DLG2: variants seen among roughly 807,000 people sequenced by gnomAD.
DLG2 encodes discs large MAGUK scaffold protein 2.
In DLG2, 45 loss-of-function variants were observed where a neutral mutation model predicts 132.5. The observed-to-expected ratio is 0.34, with a 90% CI of 0.27 to 0.44. The LOEUF is 0.44. Ranked by LOEUF, DLG2 falls within the 20% of genes least tolerant of loss-of-function variation. The pLI, the probability that DLG2 is intolerant of heterozygous loss-of-function variation, is 1.00. For synonymous variants in DLG2, 424 were observed against 419.6 expected (o/e 1.01, Z -0.13); for missense variants, 1,045 against 1,196.9 (o/e 0.87, Z 1.87).
rs201037543 is a variant in DLG2, at chr11:84,401,163, CA to C, written c.519+133406del. 9.6e-3 allele frequency among the ~76,000 whole-genome samples: 1,459 copies of C among 152,190 alleles called. 16 individuals carry two copies. The highest frequency in any genetic ancestry group is 0.031 in the African/African-American group (1,301 of 41,488). ...GTCAGACAGCAGGCAAGTTATTTAT[CA>C]GGTAAAACTGCAAAGACCTGCATAG... On this transcript the variant is annotated intron_variant, in intron 7 of 27. Coordinates refer to ENST00000376104, the MANE Select transcript of DLG2 (RefSeq NM_001142699.3).
chr11:85,497,463 G>T (rs2093693309), intron 3 of DLG2, among the ~76,000 whole-genome samples: 1 of 152,122 alleles, frequency 6.6e-6, no homozygotes. Flanking sequence ...TGGTGTACTG[G>T]AAAATGACTG....
intron 11 of DLG2, among the ~76,000 whole-genome samples, chr11:84,034,436 A>G (rs546038922): frequency 6.6e-6 from 1 of 152,340 alleles, no homozygotes; most frequent in South Asian, 2.1e-4. Context: ...GCAGTGGTCT[A>G]GAATGAGACT....
In DLG2 at chr11:84,548,687, A is replaced by G. The variant is rs540833863; in HGVS notation, c.358-13956T>C. On this transcript the variant is annotated intron_variant, in intron 6 of 27. Coordinates refer to ENST00000376104, the MANE Select transcript of DLG2 (RefSeq NM_001142699.3). Reference sequence around the variant, plus strand: ...TCTTAATCCCGTCTATCATTATTGGACATTTGGGTTGGTTCCAAGTCTTTG... The same window carrying G: ...TCTTAATCCCGTCTATCATTATTGGGCATTTGGGTTGGTTCCAAGTCTTTG... 2.0e-5 allele frequency among the ~76,000 whole-genome samples: 3 copies of G among 152,166 alleles called. No individual in the cohort carries two copies. In the South Asian group the frequency reaches 6.2e-4, roughly 32 times the overall value.
intron 3 of DLG2, among the ~76,000 whole-genome samples, chr11:85,465,233 C>A (rs940370813): frequency 6.6e-6 from 1 of 150,826 alleles, no homozygotes; most frequent in African/African-American, 2.4e-5. Context: ...AACTCAAACT[C>A]CTGGGCTCAA....
intron 6 of DLG2, among the ~76,000 whole-genome samples, chr11:84,731,323 T>C (rs1391401408): frequency 2.0e-5 from 3 of 151,956 alleles, no homozygotes; most frequent in Non-Finnish European, 2.9e-5. Context: ...GATACAGTGG[T>C]TAAGTACAGA....
At chr11:83,786,586 A>G in intron 18 of DLG2, 104 bp downstream of exon 18, 4 of 1,072,276 alleles carry the variant, frequency 3.7e-6, no homozygotes, top group African/African-American at 3.1e-5. Flanking sequence ...TAGGTTTACA[A>G]AACACCAATG....
intron 18 of DLG2, among the ~76,000 whole-genome samples, chr11:83,718,532 GA>G (rs57237354): frequency 2.1e-3 from 223 of 106,308 alleles, no homozygotes; most frequent in East Asian, 8.0e-3. Flanking sequence ...CTCAAAAAAA[GA>G]AAAAAAAAAA....
chr11:84,870,102 T>TA (rs113341314), intron 6 of DLG2, among the ~76,000 whole-genome samples: 229 of 152,290 alleles, frequency 1.5e-3, no homozygotes, highest in African/African-American at 5.3e-3. Context: ...GAAAATATAT[T>TA]AAGTTCAATG....
At chr11:84,527,038 A>G (rs1048600611) in intron 7 of DLG2, among the ~76,000 whole-genome samples, 2 of 152,132 alleles carry the variant, frequency 1.3e-5, no homozygotes, top group African/African-American at 4.8e-5. Context: ...TCGGCCTCCC[A>G]AAGTGCTGGG....
intron 3 of DLG2, among the ~76,000 whole-genome samples, chr11:85,337,853 G>A (rs1165417847): frequency 6.6e-6 from 1 of 152,156 alleles, no homozygotes; most frequent in African/African-American, 2.4e-5. Context: ...ACTGCCAAAT[G>A]TACCCAGGCA....
intron 6 of DLG2, among the ~76,000 whole-genome samples, chr11:84,714,706 C>T (rs1216425544): frequency 6.7e-6 from 1 of 148,818 alleles, no homozygotes; most frequent in Non-Finnish European, 1.5e-5. Context: ...CTTTCCCTTC[C>T]CATCTTTCCC....
chr11:84,403,053 GT>G (rs200183919), intron 7 of DLG2, among the ~76,000 whole-genome samples: 9 of 150,766 alleles, frequency 6.0e-5, no homozygotes, highest in East Asian at 2.0e-4. Context: ...CTCAGACTGT[GT>G]TTTTTTTTAA....
chr11:84,902,736 C>G (rs916965384), intron 6 of DLG2, among the ~76,000 whole-genome samples: 2 of 152,134 alleles, frequency 1.3e-5, no homozygotes, highest in African/African-American at 4.8e-5. Flanking sequence ...CCTCTCAGGG[C>G]TTACCCATAG....
intron 4 of DLG2, among the ~76,000 whole-genome samples, chr11:85,186,710 C>G (rs75914138): frequency 1.6e-3 from 241 of 152,136 alleles, no homozygotes; most frequent in African/African-American, 5.6e-3. Context: ...TGGAGAATTG[C>G]CTGCCCAGAC....
At chr11:85,371,564 A>G (rs1457495974) in intron 3 of DLG2, among the ~76,000 whole-genome samples, 1 of 152,224 alleles carries the variant, frequency 6.6e-6, no homozygotes, top group Non-Finnish European at 1.5e-5. Context: ...CTGGAAGGGT[A>G]TGCTTCCGTT....
intron 19 of DLG2, among the ~76,000 whole-genome samples, chr11:83,547,439 G>A (rs1023525621): frequency 1.3e-5 from 2 of 152,078 alleles, no homozygotes; most frequent in African/African-American, 4.8e-5. Context: ...TGAATCCTTA[G>A]AAGTGGAAGA....
intron 6 of DLG2, among the ~76,000 whole-genome samples, chr11:84,596,279 C>T (rs2099556889): frequency 6.6e-6 from 1 of 151,680 alleles, no homozygotes. Flanking sequence ...GCAATCTTGG[C>T]TCACTGCAAC....
chr11:84,113,905 C>A (rs2093490500), intron 9 of DLG2, among the ~76,000 whole-genome samples: 1 of 151,984 alleles, frequency 6.6e-6, no homozygotes, highest in Non-Finnish European at 1.5e-5. Context: ...AGAATATCCA[C>A]AGTTATCTGA....
At chr11:83,518,299 T>C (rs11233654) in intron 21 of DLG2, among the ~76,000 whole-genome samples, 53,673 of 152,078 alleles carry the variant, frequency 0.35, 9,588 homozygotes, top group Middle Eastern at 0.46. Context: ...TGAGGCTCCA[T>C]GGGCGTAGAA....
Sources: allele counts gnomAD v4.1 joint callset (sites outside exome capture counted in the v4.1 genomes callset), GRCh38; gene constraint gnomAD v4.1.1; transcripts MANE v1.5; gene names NCBI Gene and HGNC (gene_info 2026-07-23, HGNC 2026-07-21).